FAM185A: variants seen among roughly 807,000 people sequenced by gnomAD.
The protein encoded by FAM185A is protein FAM185A.
A neutral mutation model predicts 45.7 loss-of-function variants in FAM185A; 21 were observed. The observed-to-expected ratio is 0.46, with a 90% CI of 0.33 to 0.66. The LOEUF is 0.66. Ranked by LOEUF, FAM185A falls within the 30% of genes least tolerant of loss-of-function variation. The probability of loss-of-function intolerance (pLI) is 0.03; values close to 1 mark genes in which losing one functional copy is unlikely to be tolerated. For synonymous variants in FAM185A, 117 were observed against 194.0 expected, an observed-to-expected ratio of 0.60 and a Z score of 3.30; for missense variants, 305 against 485.4, an observed-to-expected ratio of 0.63 and a Z score of 3.49.
chr7:102,787,084 T>C (rs1170887087), intron 6 of FAM185A, among the ~76,000 whole-genome samples: 2 of 152,310 alleles, frequency 1.3e-5, no homozygotes, highest in East Asian at 1.9e-4. Flanking sequence ...TGTAGGACTA[T>C]TGGCAAAAGA....
intron 5 of FAM185A, among the ~76,000 whole-genome samples, 159 bp from the exon 6 acceptor site, chr7:102,777,094 G>T (rs183868418): frequency 1.3e-5 from 2 of 152,092 alleles, no homozygotes; most frequent in African/African-American, 4.8e-5. Context: ...TACTGTTTAC[G>T]TTCAAGTGCA....
intron 5 of FAM185A, among the ~76,000 whole-genome samples, chr7:102,774,919 T>C (rs968966257): frequency 2.0e-5 from 3 of 152,076 alleles, no homozygotes; most frequent in Admixed American, 1.3e-4. Context: ...AAAATATCTA[T>C]CATTTACTCA....
Position 102,788,943 on chromosome 7 carries a change from T to TA in FAM185A, c.1066+1475dup, listed in dbSNP as rs199888131. Among the ~76,000 whole-genome samples, 1,004 of 152,320 alleles carry TA rather than the reference T, an allele frequency of 6.6e-3. 10 individuals are homozygous for TA. Among genetic ancestry groups the TA allele is most frequent in the African/African-American group, 0.023 (947 of 41,566 alleles). On this transcript the variant is annotated intron_variant, in intron 7 of 7. Transcript: ENST00000413034. The stretch of plus-strand genomic sequence containing the variant: ...ACATGGTACGCCTGTATAGGGCACT[T>TA]ACCATAAGTGGAGCTTGTAGGACTG...
the FAM185A span, chr7:102,822,230 G>A: frequency 6.2e-7 from 1 of 1,610,048 alleles, no homozygotes; most frequent in Non-Finnish European, 8.5e-7. Context: ...AGTAAGTACT[G>A]GTTATTCAAA....
chr7:102,811,581 G>C (rs2129444353), downstream of FAM185A, among the ~76,000 whole-genome samples: 1 of 152,330 alleles, frequency 6.6e-6, no homozygotes, highest in South Asian at 2.1e-4. Context: ...CAACCTGCTA[G>C]GTTTCTGGAG....
At chr7:102,804,287 T>C (rs1303238682) in intron 7 of FAM185A, among the ~76,000 whole-genome samples, 1 of 151,908 alleles carries the variant, frequency 6.6e-6, no homozygotes, top group Admixed American at 6.6e-5. Flanking sequence ...AAACTATACT[T>C]TAAGGCCATC....
rs186905953 is a variant in FAM185A at position 102,761,906 on chromosome 7, C to T, written c.793+495C>T. On this transcript the variant is annotated intron_variant, in intron 4 of 7. Coordinates refer to ENST00000413034, the MANE Select transcript of FAM185A (RefSeq NM_001145268.2). ...CTCAAACTCCTGGGCCCAAGCGACC[C>T]ACCCCCTTGGCCTCCCAAAGTGCTA... Among the ~76,000 whole-genome samples the T allele has an allele frequency of 3.3e-5, 5 of 152,276 alleles. No homozygotes were observed. In the East Asian group the frequency reaches 9.6e-4, roughly 29 times the overall value.
At chr7:102,846,532 T>C in the FAM185A span, among the ~76,000 whole-genome samples, 1 of 122,156 alleles carries the variant, frequency 8.2e-6, no homozygotes, top group Non-Finnish European at 1.6e-5. Flanking sequence ...GGTGGGAGAA[T>C]TGTCTGAGCC....
At chr7:102,823,946 T>C in the FAM185A span, among the ~76,000 whole-genome samples, 1 of 151,856 alleles carries the variant, frequency 6.6e-6, no homozygotes, top group Non-Finnish European at 1.5e-5. Flanking sequence ...TCTGATGTCA[T>C]TGATAAAAGA....
chr7:102,758,164 G>A (rs537488254), intron 3 of FAM185A, among the ~76,000 whole-genome samples: 1 of 152,044 alleles, frequency 6.6e-6, no homozygotes, highest in East Asian at 1.9e-4. Flanking sequence ...TTAGTTCCTA[G>A]TCTGGAATCA....
chr7:102,761,412 G>A lies in FAM185A; in HGVS notation c.793+1G>A, dbSNP rs566278215. The A allele has an allele frequency of 2.8e-5, 42 of 1,511,116 alleles. No individual in the cohort carries two copies. The South Asian group carries it at 4.1e-4, about 15-fold the overall frequency. The allele number at this position is 1,511,116 out of a possible 1,614,324, so 93.6% of individuals were successfully genotyped here. ...GATATTACATTAGGAAGTGTTCATG[G>A]TAAGCTGACAAAGGCATAATACATC... On this transcript the variant is annotated splice_donor_variant, in intron 4 of 7. Coordinates refer to ENST00000413034, the MANE Select transcript of FAM185A (RefSeq NM_001145268.2). LOFTEE classifies it high-confidence loss of function.
intron 4 of FAM185A, among the ~76,000 whole-genome samples, chr7:102,767,631 T>A (rs1375242958): frequency 6.7e-6 from 1 of 149,958 alleles, no homozygotes; most frequent in Non-Finnish European, 1.5e-5. Flanking sequence ...GCATCTTATA[T>A]ACTTTTGAGT....
downstream of FAM185A, chr7:102,813,606 T>C: frequency 6.7e-7 from 1 of 1,482,180 alleles, no homozygotes; most frequent in South Asian, 1.3e-5. Flanking sequence ...TCAACCAAAT[T>C]TGGAGTTAGG....
the FAM185A span, among the ~76,000 whole-genome samples, chr7:102,833,949 C>T: frequency 3.5e-5 from 5 of 144,422 alleles, no homozygotes; most frequent in African/African-American, 1.0e-4. Context: ...TATACAAGAA[C>T]AAAACAATCC....
chr7:102,799,537 C>T, intron 7 of FAM185A, among the ~76,000 whole-genome samples: 1 of 152,228 alleles, frequency 6.6e-6, no homozygotes, highest in East Asian at 1.9e-4. Flanking sequence ...AAAAACTGTA[C>T]TGAGGAAGAG....
chr7:102,787,834 A>G (rs1462586039), intron 7 of FAM185A, among the ~76,000 whole-genome samples: 1 of 152,230 alleles, frequency 6.6e-6, no homozygotes, highest in Non-Finnish European at 1.5e-5. Context: ...TTTGTTTGGT[A>G]TGTACATTTT....
chr7:102,782,510 A>G (rs1210550194), intron 6 of FAM185A, among the ~76,000 whole-genome samples: 2 of 152,210 alleles, frequency 1.3e-5, no homozygotes, highest in South Asian at 2.1e-4. Context: ...GTTCTTAAAG[A>G]AAAGAATTTT....
the FAM185A span, chr7:102,822,273 C>T: frequency 5.0e-6 from 7 of 1,403,934 alleles, no homozygotes; most frequent in Non-Finnish European, 7.0e-6. Flanking sequence ...GCCTTAGTCA[C>T]TTTGGGCAAC....
In FAM185A at chr7:102,809,026, T is replaced by C. The variant is rs1797285835; in HGVS notation, c.*624T>C. On this transcript the variant is annotated 3_prime_UTR_variant, in exon 8 of 8. Transcript: ENST00000413034. ...CTTTGTTTTGCCATATAATGTAACA[T>C]TCATAGGAGTGATGGCCCATCACAT... 1 of 152,360 alleles carries C rather than the reference T, an allele frequency of 6.6e-6. No homozygotes were observed. Among genetic ancestry groups the C allele is most frequent in the African/African-American group, 2.4e-5 (1 of 41,464 alleles). 9.4% of individuals were successfully genotyped at this position (152,360 alleles called of 1,614,324 possible).
Sources: gnomAD v4.1 joint callset for allele counts (sites outside exome capture counted in the v4.1 genomes callset) on GRCh38, gnomAD v4.1.1 for gene constraint, MANE v1.5 for transcripts, NCBI Gene and HGNC (gene_info 2026-07-23, HGNC 2026-07-21) for gene names.